ASMT: variants seen among roughly 807,000 people sequenced by gnomAD.
ASMT encodes acetylserotonin O-methyltransferase, also known as acetylserotonin N-methyltransferase.
ASMT carries 53 observed loss-of-function variants against 41.3 expected under a neutral mutation model. That is an observed-to-expected ratio of 1.28 (90% CI 1.03 to 1.61). The LOEUF (loss-of-function observed/expected upper bound fraction) is 1.61. Ranked by LOEUF, ASMT falls within the 40% of genes most tolerant of loss-of-function variation. ASMT has a pLI of 0.00. For synonymous variants in ASMT, 231 were observed against 184.8 expected (o/e 1.25, Z -2.03); for missense variants, 531 against 441.3 (o/e 1.20, Z -1.82).
rs748160947 is a variant in ASMT at position 1,643,031 on chromosome X, G to A, written c.*17G>A. ...AGGAAATAACTGTTTCTTGTGACCT[G>A]GAACTAACGTCAAAGCACACAAGAC... On this transcript the variant is annotated 3_prime_UTR_variant, in exon 9 of 9. Coordinates refer to ENST00000381241, the MANE Select transcript of ASMT (RefSeq NM_001171038.2). The A allele has an allele frequency of 6.2e-6, 10 of 1,612,094 alleles. No homozygotes were observed. The South Asian group carries it at 7.7e-5, about 12-fold the overall frequency.
intron 8 of ASMT, among the ~76,000 whole-genome samples, chrX:1,641,425 G>A (rs753203431): frequency 3.4e-5 from 5 of 148,656 alleles, no homozygotes; most frequent in African/African-American, 1.2e-4. Context: ...TGAGGATGTG[G>A]ACACAGCCGC....
At chrX:1,625,781 C>A (rs1473227783) in intron 3 of ASMT, among the ~76,000 whole-genome samples, 10 of 151,214 alleles carry the variant, frequency 6.6e-5, no homozygotes, top group Non-Finnish European at 1.3e-4. Flanking sequence ...GGTGAAACCC[C>A]GTCTCTATTA....
At chrX:1,630,300 A>ATT (rs36011956) in intron 5 of ASMT, among the ~76,000 whole-genome samples, 24,961 of 70,912 alleles carry the variant, frequency 0.35, 6,407 homozygotes, top group Middle Eastern at 0.44. Context: ...CACCAGGCTA[A>ATT]TTTTTTTTTT....
In ASMT at chrX:1,636,522, C is replaced by G. The variant is rs559959569; in HGVS notation, c.872C>G (p.Ser291Ter). 49 of 1,613,878 alleles carry G rather than the reference C, an allele frequency of 3.0e-5. No individual in the cohort carries two copies. The highest frequency in any genetic ancestry group is 8.8e-5 in the South Asian group (8 of 91,060). Residue 291 changes from serine to a stop codon, truncating the protein, a stop_gained, in exon 8 of 9, where the codon TCA (serine) becomes TGA (stop). Coordinates refer to ENST00000381241, the MANE Select transcript of ASMT (RefSeq NM_001171038.2). LOFTEE classifies it high-confidence loss of function. Reference sequence around the variant, plus strand: ...CATGACTGGGCAGACGGAAAGTGCTCACACCTGCTGGAGAGGATCTACCAC... The same window carrying G: ...CATGACTGGGCAGACGGAAAGTGCTGACACCTGCTGGAGAGGATCTACCAC... ...VLHDWADGKC[S>*]HLLERIYHTC...
In ASMT at chrX:1,617,677, G is replaced by T. The variant is rs771646393; in HGVS notation, c.69+2409G>T. Among the ~76,000 whole-genome samples, 12 of 149,922 alleles carry T rather than the reference G, an allele frequency of 8.0e-5. 1 individual carries two copies. The highest frequency in any genetic ancestry group is 2.9e-4 in the African/African-American group (12 of 40,942). Reference sequence around the variant, plus strand: ...GTCGCCCAGGCTGGAGCGCAGTGGCGCTATCTCGGCTCACTGCAACCTCTG... The same window carrying T: ...GTCGCCCAGGCTGGAGCGCAGTGGCTCTATCTCGGCTCACTGCAACCTCTG... On this transcript the variant is annotated intron_variant, in intron 1 of 8. Transcript: ENST00000381241.
At chrX:1,619,121 C>A (rs1934242148) in intron 1 of ASMT, among the ~76,000 whole-genome samples, 1 of 152,070 alleles carries the variant, frequency 6.6e-6, no homozygotes, top group African/African-American at 2.4e-5. Context: ...CTTGGCCAGG[C>A]ACAGTGGCTC....
At chrX:1,636,975 G>A (rs1224353433) in intron 8 of ASMT, among the ~76,000 whole-genome samples, 6 of 77,026 alleles carry the variant, frequency 7.8e-5, no homozygotes, top group Non-Finnish European at 1.6e-4. Context: ...GATGGCACAT[G>A]AGGATGTGGG....
In ASMT at chrX:1,623,320, A is replaced by C; in HGVS notation, c.244+7A>C. 1.9e-6 allele frequency: 3 copies of C among 1,613,916 alleles called. No individual in the cohort carries two copies. The highest frequency in any genetic ancestry group is 2.5e-6 in the Non-Finnish European group (3 of 1,179,862). ...GAGACGAGGGGAGGAAAAGGTGAGG[A>C]CACGGGCGTTTTGAAGGAGGCATTT... On this transcript the variant is annotated splice_region_variant and intron_variant, in intron 2 of 8. Coordinates refer to ENST00000381241, the MANE Select transcript of ASMT (RefSeq NM_001171038.2).
chrX:1,636,912 T>TGTGTGTGTGATGGGGA, intron 8 of ASMT, among the ~76,000 whole-genome samples: 1 of 118,200 alleles, frequency 8.5e-6, no homozygotes, highest in Non-Finnish European at 1.9e-5. Flanking sequence ...GGGCACAGCC[T>TGTGTGTGTGATGGGGA]CTGTGTGTGA....
At chrX:1,627,884 A>G in intron 4 of ASMT, 113 bp downstream of exon 4, 1 of 1,039,778 alleles carries the variant, frequency 9.6e-7, no homozygotes, top group Admixed American at 1.8e-5. Context: ...GGAAGCTGCC[A>G]TTTAATTTAA....
Position 1,642,898 on chromosome X carries a change from G to A in ASMT, c.1006G>A (p.Glu336Lys). Residue 336 changes from glutamate to lysine, a missense_variant, in exon 9 of 9, where the codon GAA becomes AAA. Coordinates refer to ENST00000381241, the MANE Select transcript of ASMT (RefSeq NM_001171038.2). ...LYSLNMLVQTEGQERTPTHYH... is the reference protein window; with the variant it reads ...LYSLNMLVQTKGQERTPTHYH... ...CTCTCTGAACATGCTTGTGCAGACGGAAGGGCAGGAGAGGACCCCCACCCA... is the reference window on the plus strand; with the variant it reads ...CTCTCTGAACATGCTTGTGCAGACGAAAGGGCAGGAGAGGACCCCCACCCA... 1 of 1,613,968 alleles carries A rather than the reference G, an allele frequency of 6.2e-7. No homozygotes were observed. Among genetic ancestry groups the A allele is most frequent in the South Asian group, 1.1e-5 (1 of 91,074 alleles).
intron 8 of ASMT, among the ~76,000 whole-genome samples, chrX:1,642,507 CTGTG>C (rs1192679938): frequency 1.4e-4 from 20 of 147,104 alleles, no homozygotes; most frequent in Admixed American, 1.1e-3. Flanking sequence ...GGCACAGCCT[CTGTG>C]TGTGTGTGAT....
At chrX:1,619,519 C>T (rs1165769539) in intron 1 of ASMT, among the ~76,000 whole-genome samples, 3 of 147,166 alleles carry the variant, frequency 2.0e-5, no homozygotes, top group East Asian at 2.0e-4. Flanking sequence ...CAAACCTGCA[C>T]GTTCTGCACA....
At chrX:1,632,148 C>T (rs1413473709) in intron 5 of ASMT, among the ~76,000 whole-genome samples, 6 of 152,118 alleles carry the variant, frequency 3.9e-5, no homozygotes, top group South Asian at 2.1e-4. Flanking sequence ...CACGACTTAC[C>T]GGGGCCTCTG....
Position 1,629,862 on chromosome X carries a change from A to G in ASMT, c.485A>G (p.Glu162Gly). 6.2e-7 allele frequency: 1 copy of G among 1,613,942 alleles called. No homozygotes were observed. Among genetic ancestry groups the G allele is most frequent in the Non-Finnish European group, 8.5e-7 (1 of 1,179,868 alleles). ...ERLQFMQALQ[E>G]VWSVNGRSVL... is the part of the protein sequence containing the mutation. Reference sequence around the variant, plus strand: ...CTACAGTTCATGCAAGCTCTGCAGGAGGTCTGGAGCGTCAACGGGAGAAGC... The same window carrying G: ...CTACAGTTCATGCAAGCTCTGCAGGGGGTCTGGAGCGTCAACGGGAGAAGC... Residue 162 changes from glutamate (E) to glycine (G), a missense_variant, in exon 5 of 9, where the codon GAG becomes GGG. Physicochemically the swap from Glu to Gly is moderately conservative, Grantham distance 98 (BLOSUM62 -2). Transcript: ENST00000381241.
At chrX:1,642,756 T>C in intron 8 of ASMT, 47 bp from the exon 9 acceptor site, 1 of 1,564,152 alleles carries the variant, frequency 6.4e-7, no homozygotes, top group Non-Finnish European at 8.8e-7. Context: ...TGGCACAGTC[T>C]GTCTGTGTGT....
chrX:1,627,758 A>G lies in ASMT; in HGVS notation c.430A>G (p.Thr144Ala). The G allele has an allele frequency of 6.2e-7, 1 of 1,613,908 alleles. No homozygotes were observed. The highest frequency in any genetic ancestry group is 8.5e-7 in the Non-Finnish European group (1 of 1,179,796). ...TGGCGTTCCCGCTGAAGAGCTTTTT[A>G]CGGCCATCTACAGGTAACACCCATC... ...TFGVPAEELFTAIYRSEGERL... is the reference protein window; with the variant it reads ...TFGVPAEELFAAIYRSEGERL... The change falls in exon 4 of 9, where the codon ACG becomes GCG. Residue 144 changes from threonine (T) to alanine (A), a missense_variant. Coordinates refer to ENST00000381241, the MANE Select transcript of ASMT (RefSeq NM_001171038.2).
rs1379264991 is a variant in ASMT, at chrX:1,629,995, A to G, written c.562+56A>G. 9.5e-5 allele frequency: 132 copies of G among 1,392,992 alleles called. No homozygotes were observed. In the African/African-American group the frequency reaches 1.4e-3, roughly 15 times the overall value. 86.3% of individuals were successfully genotyped at this position (1,392,992 alleles called of 1,614,324 possible). A position where few individuals can be genotyped will look rare whatever the true frequency, so the allele number is the denominator to read the frequency against. On this transcript the variant is annotated intron_variant, in intron 5 of 8. Transcript: ENST00000381241. ...GGTGTGGCTTCTGTTCTGTATGGGG[A>G]ATGTGTTATTCATGTCTTTTATTTT...
rs1407663505 is a variant in ASMT, at chrX:1,616,727, G to C, written c.69+1459G>C. On this transcript the variant is annotated intron_variant, in intron 1 of 8. Transcript: ENST00000381241. ...TTTCTACAAATTCTTTTTTCTTTTT[G>C]AGACAGAGTCTCGCTCTGTCGCCCA... Among the ~76,000 whole-genome samples, 11 of 150,312 alleles carry C rather than the reference G, an allele frequency of 7.3e-5. 2 individuals are homozygous for C. The highest frequency in any genetic ancestry group is 1.6e-4 in the Non-Finnish European group (11 of 67,418).
Sources: gnomAD v4.1 joint callset for allele counts (sites outside exome capture counted in the v4.1 genomes callset) on GRCh38, gnomAD v4.1.1 for gene constraint, MANE v1.5 for transcripts, NCBI Gene and HGNC (gene_info 2026-07-23, HGNC 2026-07-21) for gene names.